The following LINGO1 variants were observed in gnomAD, a reference collection of about 807,000 sequenced individuals.
LINGO1 encodes leucine rich repeat and Ig domain containing 1.
A neutral mutation model predicts 37.3 loss-of-function variants in LINGO1; 11 were observed. That is an observed-to-expected ratio of 0.29 (90% CI 0.19 to 0.49). LINGO1 has a LOEUF of 0.49. Among genes scored for constraint, LINGO1 ranks in the 20% least tolerant of loss-of-function variants. The pLI, the probability that LINGO1 is intolerant of heterozygous loss-of-function variation, is 0.99. For missense variants in LINGO1, 585 were observed against 878.2 expected (o/e 0.67, Z 4.22); for synonymous variants, 387 against 403.0 (o/e 0.96, Z 0.48).
intron 2 of LINGO1, among the ~76,000 whole-genome samples, chr15:77,687,092 C>T (rs1010184804): frequency 9.2e-5 from 14 of 152,264 alleles, no homozygotes; most frequent in African/African-American, 2.6e-4. Context: ...GATCAGGGCT[C>T]GGTGTAGGAC....
At chr15:77,788,283 C>T, upstream of LINGO1, 1 of 152,216 alleles carries the variant, frequency 6.6e-6, no homozygotes, top group Admixed American at 6.5e-5. Context: ...ATCATACTCC[C>T]CTGGATGGGC....
At chr15:77,660,130 TG>T (rs1004897294) in intron 3 of LINGO1, 2 of 152,186 alleles carry the variant, frequency 1.3e-5, no homozygotes, top group Non-Finnish European at 2.9e-5. Context: ...GCCGGCAAAA[TG>T]GGGATCCTTG....
At chr15:77,665,792 T>C (rs903862248) in intron 3 of LINGO1, among the ~76,000 whole-genome samples, 1 of 152,176 alleles carries the variant, frequency 6.6e-6, no homozygotes, top group African/African-American at 2.4e-5. Context: ...ACCCAGGGCC[T>C]TTGCACAGGC....
intron 3 of LINGO1, among the ~76,000 whole-genome samples, chr15:77,663,707 C>A (rs1476713039): frequency 6.6e-6 from 1 of 152,202 alleles, no homozygotes; most frequent in Non-Finnish European, 1.5e-5. Context: ...CTTACACGCC[C>A]CAGTTCCAGA....
chr15:77,770,656 C>T (rs921877140), intron 1 of LINGO1, among the ~76,000 whole-genome samples: 9 of 151,708 alleles, frequency 5.9e-5, no homozygotes, highest in African/African-American at 2.2e-4. Context: ...GTCACCTAGG[C>T]CTCACTCCAC....
chr15:77,681,341 G>A (rs1172047549), intron 2 of LINGO1, among the ~76,000 whole-genome samples: 3 of 152,014 alleles, frequency 2.0e-5, no homozygotes, highest in Non-Finnish European at 1.5e-5. Flanking sequence ...GCTCAGATAA[G>A]CTTAAGATAA....
At chr15:77,619,357 AG>A in intron 1 of LINGO1, among the ~76,000 whole-genome samples, 1 of 152,278 alleles carries the variant, frequency 6.6e-6, no homozygotes, top group East Asian at 1.9e-4. Context: ...CTGAGCAATG[AG>A]AGACCTGAGG....
At position 77,717,552 on chromosome 15, in the gene LINGO1, A is replaced by C. The variant is rs1448248711; in HGVS notation, c.-195+17440T>G. ...TCAGAACTGTCCTGCCTGTGAAAGC[A>C]CGTTTCCCTCTTGGCAGAGGGTCAG... is the stretch of plus-strand genomic sequence containing the variant. On this transcript the variant is annotated intron_variant, in intron 2 of 3. Transcript: ENST00000561686. 1.3e-4 allele frequency among the ~76,000 whole-genome samples: 19 copies of C among 150,850 alleles called. 2 individuals are homozygous for C. The highest frequency in any genetic ancestry group is 1.3e-3 in the Admixed American group (19 of 15,132).
chr15:77,725,889 A>G lies in LINGO1; in HGVS notation c.-195+9103T>C, dbSNP rs575623440. ...TAGCACGCCCAGGGAGCGTACATAG[A>G]GCGGCCGCCCCACCACTACTCCTGT... On this transcript the variant is annotated intron_variant, in intron 2 of 3. Coordinates refer to the LINGO1 transcript ENST00000561686. 4.6e-5 allele frequency among the ~76,000 whole-genome samples: 7 copies of G among 152,336 alleles called. No individual in the cohort carries two copies. In the South Asian group the frequency reaches 8.3e-4, roughly 18 times the overall value.
At chr15:77,761,975 C>A (rs1416913773) in intron 1 of LINGO1, among the ~76,000 whole-genome samples, 1 of 152,112 alleles carries the variant, frequency 6.6e-6, no homozygotes, top group Non-Finnish European at 1.5e-5. Flanking sequence ...CAGGCCCTGA[C>A]CCTTTCTGAC....
chr15:77,654,457 C>A (rs1320513623), intron 3 of LINGO1, among the ~76,000 whole-genome samples: 1 of 152,044 alleles, frequency 6.6e-6, no homozygotes, highest in Non-Finnish European at 1.5e-5. Flanking sequence ...GTAGAGGGGT[C>A]CTGGGGCTAC....
chr15:77,636,440 G>T (rs1016578481), upstream of LINGO1, among the ~76,000 whole-genome samples: 3 of 152,200 alleles, frequency 2.0e-5, no homozygotes, highest in Non-Finnish European at 4.4e-5. Flanking sequence ...TAATTAGCAA[G>T]AAAAACGGAG....
intron 1 of LINGO1, among the ~76,000 whole-genome samples, chr15:77,806,913 G>A (rs1226645212): frequency 6.6e-6 from 1 of 152,090 alleles, no homozygotes; most frequent in African/African-American, 2.4e-5. Flanking sequence ...CCCTGCATGA[G>A]TGTCCTGCTT....
intron 1 of LINGO1, among the ~76,000 whole-genome samples, chr15:77,783,994 G>A (rs1228686481): frequency 6.6e-6 from 1 of 152,248 alleles, no homozygotes; most frequent in Non-Finnish European, 1.5e-5. Context: ...AGCTGGGAGG[G>A]CTGGCCAGGG....
intron 3 of LINGO1, among the ~76,000 whole-genome samples, chr15:77,659,155 G>T (rs76128408): frequency 3.9e-5 from 6 of 152,122 alleles, no homozygotes; most frequent in African/African-American, 1.4e-4. Context: ...CCACTGAAGC[G>T]TATAAGCAGG....
intron 1 of LINGO1, 63 bp from the exon 2 acceptor site, chr15:77,615,963 C>A: frequency 8.5e-7 from 1 of 1,183,192 alleles, no homozygotes; most frequent in Non-Finnish European, 1.1e-6. Context: ...GTCTGGATGC[C>A]ACCCCAAGCC....
intron 1 of LINGO1, among the ~76,000 whole-genome samples, chr15:77,747,641 C>T (rs372243168): frequency 7.9e-5 from 12 of 152,238 alleles, no homozygotes; most frequent in African/African-American, 2.6e-4. Flanking sequence ...AAGACAGCAG[C>T]GTGAGCCCTG....
At chr15:77,722,404 C>A (rs1262671952) in intron 2 of LINGO1, among the ~76,000 whole-genome samples, 17 of 152,232 alleles carry the variant, frequency 1.1e-4, no homozygotes, top group Non-Finnish European at 1.5e-5. Flanking sequence ...AAGCTGGGGC[C>A]CTGCCTGGCA....
rs115199929 is a variant in LINGO1 at position 77,817,513 on chromosome 15, A to G, written c.-458+2745T>C. 8.5e-3 allele frequency among the ~76,000 whole-genome samples: 1,302 copies of G among 152,284 alleles called. 23 individuals are homozygous for G. The highest frequency in any genetic ancestry group is 0.029 in the African/African-American group (1,215 of 41,552). On this transcript the variant is annotated intron_variant, in intron 1 of 5. Coordinates refer to the LINGO1 transcript ENST00000562933. ...CTCCCAGAGCTGTGCAGAGGATGAC[A>G]GGAGCCGGGCTTCCAAACCATCAAG... is the stretch of plus-strand genomic sequence containing the variant.
Sources: allele counts gnomAD v4.1 joint callset (sites outside exome capture counted in the v4.1 genomes callset), GRCh38; gene constraint gnomAD v4.1.1; transcripts MANE v1.5; gene names NCBI Gene and HGNC (gene_info 2026-07-23, HGNC 2026-07-21).